The following PTPRD variants were observed in gnomAD, a reference collection of about 807,000 sequenced individuals.
The protein encoded by PTPRD is receptor-type tyrosine-protein phosphatase delta.
In PTPRD, 34 loss-of-function variants were observed where a neutral mutation model predicts 214.5. The ratio of observed to expected loss-of-function variants is 0.16; its 90% CI spans 0.12 to 0.21. The LOEUF (loss-of-function observed/expected upper bound fraction) is 0.21, where lower values mean the gene tolerates loss of function less well. PTPRD is among the 10% of genes least tolerant of loss of function. The probability of loss-of-function intolerance (pLI) is 1.00; values close to 1 mark genes in which losing one functional copy is unlikely to be tolerated. For missense variants in PTPRD, 2,545 were observed against 2,398.7 expected (o/e 1.06, Z -1.27); for synonymous variants, 1,128 against 845.7 (o/e 1.33, Z -5.79).
At chr9:10,192,946 G>A (rs953247567) in intron 3 of PTPRD, among the ~76,000 whole-genome samples, 2 of 152,114 alleles carry the variant, frequency 1.3e-5, no homozygotes, top group Admixed American at 6.6e-5. Flanking sequence ...TCTATGAATT[G>A]AGTTCCAAAA....
chr9:9,843,269 A>G (rs2058751550), intron 5 of PTPRD, among the ~76,000 whole-genome samples: 1 of 152,064 alleles, frequency 6.6e-6, no homozygotes, highest in African/African-American at 2.4e-5. Context: ...AATATCGCTT[A>G]GGGACTTGGT....
intron 4 of PTPRD, among the ~76,000 whole-genome samples, chr9:10,003,140 T>G (rs1407506154): frequency 1.3e-5 from 2 of 151,772 alleles, no homozygotes; most frequent in Non-Finnish European, 3.0e-5. Context: ...TCAAGGGACA[T>G]AAGAAATGAG....
At chr9:8,830,800 A>G (rs2097273002) in intron 11 of PTPRD, among the ~76,000 whole-genome samples, 2 of 152,282 alleles carry the variant, frequency 1.3e-5, no homozygotes, top group Admixed American at 6.5e-5. Context: ...GGCATACGTG[A>G]TGGTGAAATC....
chr9:9,326,600 T>A (rs2040021257), intron 9 of PTPRD, among the ~76,000 whole-genome samples: 2 of 151,168 alleles, frequency 1.3e-5, no homozygotes, highest in African/African-American at 4.9e-5. Context: ...TAAATTACCA[T>A]AAAACAATGT....
rs184006711 is a variant in PTPRD at position 9,554,766 on chromosome 9, C to T, written c.-237+19966G>A. Among the ~76,000 whole-genome samples, 127 of 152,068 alleles carry T rather than the reference C, an allele frequency of 8.4e-4. 2 individuals are homozygous for T. The highest frequency in any genetic ancestry group is 4.1e-3 in the South Asian group (20 of 4,822). On this transcript the variant is annotated intron_variant, in intron 8 of 45. Transcript: ENST00000381196. ...AGGAAACGTCAACACTTCTTAACTA[C>T]GCAGGAAACTTAGACTTAATGGAAT...
At chr9:9,650,668 C>A (rs958783371) in intron 7 of PTPRD, among the ~76,000 whole-genome samples, 2 of 151,978 alleles carry the variant, frequency 1.3e-5, no homozygotes, top group African/African-American at 4.8e-5. Context: ...GGAAAAATAA[C>A]TAACGAGTAC....
rs1596509135 is a variant in PTPRD, at chr9:9,370,594, A to G, written c.-203+26855T>C. On this transcript the variant is annotated intron_variant, in intron 9 of 45. Coordinates refer to ENST00000381196, the MANE Select transcript of PTPRD (RefSeq NM_002839.4). ...TGACTTCCTCTTTTCCTAATTGAATACCCTTTATTTCCTTCTCCTGCCTGA... is the reference window on the plus strand; with the variant it reads ...TGACTTCCTCTTTTCCTAATTGAATGCCCTTTATTTCCTTCTCCTGCCTGA... Among the ~76,000 whole-genome samples the G allele has an allele frequency of 4.6e-5, 7 of 150,794 alleles. No homozygotes were observed. In the South Asian group the frequency reaches 1.3e-3, roughly 27 times the overall value.
intron 10 of PTPRD, among the ~76,000 whole-genome samples, chr9:9,059,820 T>A (rs966167445): frequency 6.6e-6 from 1 of 152,088 alleles, no homozygotes; most frequent in African/African-American, 2.4e-5. Context: ...AGCAAATATT[T>A]TTAAATGCAC....
intron 2 of PTPRD, among the ~76,000 whole-genome samples, chr9:10,536,631 G>C (rs371886934): frequency 1.5e-4 from 23 of 152,172 alleles, no homozygotes; most frequent in African/African-American, 5.1e-4. Flanking sequence ...ATGCAGTTCT[G>C]AGTGTAAAAA....
At chr9:10,545,552 C>G (rs987180083) in intron 2 of PTPRD, among the ~76,000 whole-genome samples, 1 of 151,876 alleles carries the variant, frequency 6.6e-6, no homozygotes, top group Non-Finnish European at 1.5e-5. Context: ...TTATTTTGAT[C>G]CAGGTAATAT....
intron 2 of PTPRD, among the ~76,000 whole-genome samples, chr9:10,373,951 C>A (rs531329907): frequency 6.6e-6 from 1 of 152,170 alleles, no homozygotes; most frequent in African/African-American, 2.4e-5. Flanking sequence ...TCACATCAAT[C>A]ACAGGCATAT....
In PTPRD at chr9:8,518,377, G is replaced by A. The variant is rs2138587990; in HGVS notation, c.1014C>T (p.Ser338=). ...TPVVTESTAT[S]ITLTWDSGNP... ...TCCCAGAGTCCCACGTCAGTGTGAT[G>A]CTTGTAGCTGTGCTCTCGGTCACTA... Residue 338 remains serine, a synonymous_variant, in exon 21 of 46, where the codon AGC becomes AGT. Coordinates refer to ENST00000381196, the MANE Select transcript of PTPRD (RefSeq NM_002839.4). The A allele has an allele frequency of 6.2e-7, 1 of 1,613,918 alleles. No homozygotes were observed. The highest frequency in any genetic ancestry group is 8.5e-7 in the Non-Finnish European group (1 of 1,179,938).
At chr9:9,153,299 A>G (rs1465627434) in intron 10 of PTPRD, among the ~76,000 whole-genome samples, 2 of 152,180 alleles carry the variant, frequency 1.3e-5, no homozygotes, top group Non-Finnish European at 2.9e-5. Context: ...TTAGTTTTTA[A>G]AAGGTAGTTA....
intron 5 of PTPRD, among the ~76,000 whole-genome samples, chr9:9,883,582 C>T (rs749383115): frequency 2.6e-5 from 4 of 152,116 alleles, no homozygotes; most frequent in Non-Finnish European, 5.9e-5. Context: ...AAGAATAGAT[C>T]ATCTTTTACC....
chr9:8,381,224 T>C (rs933831581), intron 37 of PTPRD, among the ~76,000 whole-genome samples: 1 of 152,186 alleles, frequency 6.6e-6, no homozygotes, highest in African/African-American at 2.4e-5. Context: ...ACAGTTATTT[T>C]TGGGAGTAAG....
intron 12 of PTPRD, among the ~76,000 whole-genome samples, chr9:8,672,753 T>G (rs2097311237): frequency 6.6e-6 from 1 of 151,440 alleles, no homozygotes; most frequent in African/African-American, 2.4e-5. Flanking sequence ...GATTATGAAA[T>G]TTTTAGTTAA....
At chr9:9,096,571 G>C (rs1478680058) in intron 10 of PTPRD, among the ~76,000 whole-genome samples, 1 of 152,082 alleles carries the variant, frequency 6.6e-6, no homozygotes, top group African/African-American at 2.4e-5. Context: ...TGAAGATATA[G>C]ATGATTTCTT....
At chr9:9,506,385 C>T (rs2096571409) in intron 8 of PTPRD, among the ~76,000 whole-genome samples, 1 of 151,312 alleles carries the variant, frequency 6.6e-6, no homozygotes, top group Non-Finnish European at 1.5e-5. Flanking sequence ...AAAGACTTTC[C>T]TAAGAATCAC....
intron 9 of PTPRD, among the ~76,000 whole-genome samples, chr9:9,189,605 T>C (rs1189255462): frequency 6.6e-6 from 1 of 152,088 alleles, no homozygotes; most frequent in African/African-American, 2.4e-5. Context: ...TAACTGTCTA[T>C]ATGGTTATCT....
Sources: allele counts gnomAD v4.1 joint callset (sites outside exome capture counted in the v4.1 genomes callset), GRCh38; gene constraint gnomAD v4.1.1; transcripts MANE v1.5; gene names NCBI Gene and HGNC (gene_info 2026-07-23, HGNC 2026-07-21).